Variants in NRG1 observed in about 807,000 individuals in gnomAD.
The protein encoded by NRG1 is neuregulin 1, also known as pro-neuregulin-1, membrane-bound isoform.
NRG1 carries 18 observed loss-of-function variants against 63.8 expected under a neutral mutation model. The observed-to-expected ratio is 0.28, with a 90% CI of 0.19 to 0.42. The LOEUF is 0.42. Ranked by LOEUF, NRG1 falls within the 10% of genes least tolerant of loss-of-function variation. The probability of loss-of-function intolerance (pLI) is 1.00; values close to 1 mark genes in which losing one functional copy is unlikely to be tolerated. For synonymous variants in NRG1, 302 were observed against 301.3 expected (o/e 1.00, Z -0.02); for missense variants, 762 against 814.7 (o/e 0.94, Z 0.79).
chr8:32,494,736 C>T (rs999799679), intron 1 of NRG1, among the ~76,000 whole-genome samples: 2 of 152,104 alleles, frequency 1.3e-5, no homozygotes, highest in Non-Finnish European at 2.9e-5. Context: ...AACTAGCATC[C>T]AGATTTATTC....
intron 1 of NRG1, among the ~76,000 whole-genome samples, chr8:32,416,404 A>G (rs1184101615): frequency 2.1e-5 from 3 of 141,642 alleles, no homozygotes; most frequent in Non-Finnish European, 4.5e-5. Flanking sequence ...TGTCTCTTTC[A>G]CATGCCTTCT....
chr8:32,450,175 T>G (rs1048226745), intron 1 of NRG1, among the ~76,000 whole-genome samples: 1 of 152,154 alleles, frequency 6.6e-6, no homozygotes, highest in Admixed American at 6.5e-5. Flanking sequence ...AAGTGGACAT[T>G]ATGCTAGATT....
intron 1 of NRG1, among the ~76,000 whole-genome samples, chr8:32,485,345 A>G (rs929689327): frequency 6.6e-6 from 1 of 151,536 alleles, no homozygotes; most frequent in South Asian, 2.1e-4. Context: ...ACCTCTGGTG[A>G]TCCTCCCTCC....
intron 1 of NRG1, among the ~76,000 whole-genome samples, chr8:31,962,495 C>T (rs1805618131): frequency 6.6e-6 from 1 of 152,086 alleles, no homozygotes; most frequent in African/African-American, 2.4e-5. Context: ...TGAAGAGATG[C>T]TCAGTGATGG....
At chr8:32,162,300 G>A (rs1838917809) in intron 1 of NRG1, among the ~76,000 whole-genome samples, 1 of 152,126 alleles carries the variant, frequency 6.6e-6, no homozygotes, top group Non-Finnish European at 1.5e-5. Flanking sequence ...AAAAATTGCT[G>A]AAATATTGGA....
chr8:31,789,199 G>A (rs1382203925), intron 1 of NRG1, among the ~76,000 whole-genome samples: 1 of 152,184 alleles, frequency 6.6e-6, no homozygotes, highest in Admixed American at 6.5e-5. Context: ...TGGAGTTGTA[G>A]AGCCTGTGTA....
rs781429401 is a variant in NRG1 at position 31,798,598 on chromosome 8, CTG to C, written c.37+159169_37+159170del. ...TTTGCTTAGGAATCAGTGCCATTGA[CTG>C]TTTGCTTTTAGTTAATACGGTTTTG... On this transcript the variant is annotated intron_variant, in intron 1 of 10. Coordinates refer to the NRG1 transcript ENST00000519301. Among the ~76,000 whole-genome samples the C allele has an allele frequency of 7.9e-5, 12 of 152,224 alleles. No individual in the cohort carries two copies. The East Asian group carries it at 2.3e-3, about 29-fold the overall frequency.
chr8:32,702,277 G>T (rs1815112638), intron 5 of NRG1, among the ~76,000 whole-genome samples: 1 of 152,154 alleles, frequency 6.6e-6, no homozygotes, highest in South Asian at 2.1e-4. Context: ...TGAAAAAGCT[G>T]GTGGAAAAAT....
At chr8:32,325,677 T>C (rs926515579) in intron 1 of NRG1, among the ~76,000 whole-genome samples, 5 of 152,154 alleles carry the variant, frequency 3.3e-5, no homozygotes, top group African/African-American at 1.2e-4. Flanking sequence ...ACACCTGGCC[T>C]ATTTGTATAA....
Position 31,657,015 on chromosome 8 carries a change from T to C in NRG1, c.37+17584T>C, listed in dbSNP as rs535673516. ...TGGCAGTCAAGGAATTCAAAGTTAT[T>C]ATTCTGATAGTAATTGCGTGCATTT... On this transcript the variant is annotated intron_variant, in intron 1 of 10. Coordinates refer to the NRG1 transcript ENST00000519301. Among the ~76,000 whole-genome samples, 18 of 152,320 alleles carry C rather than the reference T, an allele frequency of 1.2e-4. No homozygotes were observed. The South Asian group carries it at 3.5e-3, about 30-fold the overall frequency.
chr8:32,116,367 A>G (rs1832709913), intron 1 of NRG1, among the ~76,000 whole-genome samples: 1 of 152,190 alleles, frequency 6.6e-6, no homozygotes, highest in Non-Finnish European at 1.5e-5. Context: ...GAGATACTTA[A>G]GGAAGGAGAG....
intron 1 of NRG1, among the ~76,000 whole-genome samples, chr8:32,278,662 A>G (rs1173525798): frequency 6.6e-6 from 1 of 152,192 alleles, no homozygotes; most frequent in South Asian, 2.1e-4. Context: ...ACATCACCAC[A>G]GACCACTCAG....
intron 5 of NRG1, among the ~76,000 whole-genome samples, chr8:32,663,503 C>T (rs559996401): frequency 2.0e-5 from 3 of 152,212 alleles, no homozygotes; most frequent in African/African-American, 2.4e-5. Flanking sequence ...TCTCCTTTCT[C>T]TATTAAGCTG....
chr8:31,766,900 T>TG (rs1419417822), intron 1 of NRG1, among the ~76,000 whole-genome samples: 2 of 152,226 alleles, frequency 1.3e-5, no homozygotes, highest in Admixed American at 1.3e-4. Context: ...TTAGCTCTCT[T>TG]GGGCAAAAGC....
intron 9 of NRG1, among the ~76,000 whole-genome samples, chr8:32,757,747 C>A (rs1354694173): frequency 6.6e-6 from 1 of 152,162 alleles, no homozygotes; most frequent in Non-Finnish European, 1.5e-5. Flanking sequence ...TTTTCTCAAC[C>A]TTATTTCTTC....
intron 1 of NRG1, among the ~76,000 whole-genome samples, chr8:32,253,568 T>C (rs1849358915): frequency 6.6e-6 from 1 of 152,216 alleles, no homozygotes; most frequent in Non-Finnish European, 1.5e-5. Context: ...ATAAGCTTTT[T>C]GATGTGCTGC....
chr8:32,117,026 T>TA (rs909603872), intron 1 of NRG1, among the ~76,000 whole-genome samples: 8 of 148,490 alleles, frequency 5.4e-5, no homozygotes, highest in African/African-American at 1.5e-4. Context: ...CCTGTAGTCC[T>TA]AGCTACTCAG....
At chr8:31,949,056 T>C (rs2129622628) in intron 1 of NRG1, among the ~76,000 whole-genome samples, 1 of 152,354 alleles carries the variant, frequency 6.6e-6, no homozygotes. Flanking sequence ...AAAACTATAT[T>C]GGTATATGGT....
chr8:31,770,764 A>G (rs977444953), intron 1 of NRG1, among the ~76,000 whole-genome samples: 1 of 86,932 alleles, frequency 1.2e-5, no homozygotes, highest in African/African-American at 3.7e-5. Flanking sequence ...CTTAAAGTAT[A>G]ATAAACATAT....
Sources: allele counts gnomAD v4.1 joint callset (sites outside exome capture counted in the v4.1 genomes callset), GRCh38; gene constraint gnomAD v4.1.1; transcripts MANE v1.5; gene names NCBI Gene and HGNC (gene_info 2026-07-23, HGNC 2026-07-21).